TMEM62: variants seen among roughly 807,000 people sequenced by gnomAD.
The protein encoded by TMEM62 is transmembrane protein 62.
TMEM62 carries 41 observed loss-of-function variants against 70.4 expected under a neutral mutation model. That is an observed-to-expected ratio of 0.58 (90% CI 0.45 to 0.76). The LOEUF (loss-of-function observed/expected upper bound fraction) is 0.76, where lower values mean the gene tolerates loss of function less well. Among genes scored for constraint, TMEM62 ranks in the 30% least tolerant of loss-of-function variants. The pLI is 0.00. For synonymous variants in TMEM62, 268 were observed against 291.0 expected (o/e 0.92, Z 0.80); for missense variants, 688 against 788.5 (o/e 0.87, Z 1.53).
chr15:43,184,198 C>A, intron 13 of TMEM62, 62 bp from the exon 14 acceptor site: 2 of 1,408,450 alleles, frequency 1.4e-6, no homozygotes, highest in Non-Finnish European at 2.0e-6. Flanking sequence ...ACTAATAATG[C>A]ATTATTAAGA....
chr15:43,149,223 G>A, intron 7 of TMEM62, 72 bp downstream of exon 7: 1 of 1,464,966 alleles, frequency 6.8e-7, no homozygotes, highest in Non-Finnish European at 9.4e-7. Context: ...TTTTCTTACT[G>A]ATATCATGGG....
Position 43,134,376 on chromosome 15 carries a change from G to A in TMEM62, c.292+8G>A, listed in dbSNP as rs1402298764. ...CTCTCGTCCTAGCAACAGGTAGGGA[G>A]GCTTGCCGTGCTGTGGTGGTGGTCT... On this transcript the variant is annotated splice_region_variant and intron_variant, in intron 2 of 13. Coordinates refer to ENST00000260403, the MANE Select transcript of TMEM62 (RefSeq NM_024956.4). 9 of 1,606,804 alleles carry A rather than the reference G, an allele frequency of 5.6e-6. No individual in the cohort carries two copies. The highest frequency in any genetic ancestry group is 7.7e-6 in the Non-Finnish European group (9 of 1,173,928).
intron 10 of TMEM62, among the ~76,000 whole-genome samples, chr15:43,168,023 CTG>C (rs1233795998): frequency 6.6e-6 from 1 of 151,984 alleles, no homozygotes. Flanking sequence ...ACTCGGCAGG[CTG>C]AGGCAGGAGA....
chr15:43,138,524 T>C (rs1177470604), intron 3 of TMEM62, 50 bp from the exon 4 acceptor site: 4 of 1,409,358 alleles, frequency 2.8e-6, no homozygotes, highest in East Asian at 2.3e-5. Context: ...ATGTTTGTAT[T>C]CTTTTTTTAA....
chr15:43,134,846 G>GT (rs2034989191), intron 2 of TMEM62, among the ~76,000 whole-genome samples: 1 of 152,174 alleles, frequency 6.6e-6, no homozygotes. Flanking sequence ...TATGACTTAA[G>GT]TTTTCTAGAC....
At chr15:43,138,641 A>G in intron 4 of TMEM62, 22 bp downstream of exon 4, 1 of 1,574,786 alleles carries the variant, frequency 6.4e-7, no homozygotes, top group Non-Finnish European at 8.7e-7. Context: ...AACAGAAGAC[A>G]GACCACTATG....
intron 5 of TMEM62, 137 bp from the exon 6 acceptor site, chr15:43,148,618 G>T (rs952446939): frequency 6.4e-6 from 6 of 936,106 alleles, no homozygotes; most frequent in Non-Finnish European, 7.8e-6. Flanking sequence ...GTCCATAGAG[G>T]TCATTAACTA....
chr15:43,184,513 G>C lies in TMEM62; in HGVS notation c.1859G>C (p.Arg620Pro), dbSNP rs558705873. Residue 620 changes from arginine to proline, a missense_variant, in exon 14 of 14, where the codon CGT becomes CCT. By Grantham distance (103) the Arg-to-Pro change is moderately radical (BLOSUM62 -2). Coordinates refer to ENST00000260403, the MANE Select transcript of TMEM62 (RefSeq NM_024956.4). ...ACACTGCTGACACCTGTTCTCATTC[G>C]TTATGTGTGGACACTGAACTCCACC... ...WLTLLTPVLI[R>P]YVWTLNSTKF... 7 of 1,613,542 alleles carry C rather than the reference G, an allele frequency of 4.3e-6. No homozygotes were observed. The South Asian group carries it at 5.5e-5, about 13-fold the overall frequency.
chr15:43,164,423 T>C (rs773872253), intron 10 of TMEM62, among the ~76,000 whole-genome samples: 1 of 152,086 alleles, frequency 6.6e-6, no homozygotes, highest in Non-Finnish European at 1.5e-5. Context: ...GTGAGTTTTA[T>C]ACCTTCAGAT....
intron 10 of TMEM62, 105 bp downstream of exon 10, chr15:43,160,899 C>T (rs1305912876): frequency 1.1e-5 from 6 of 524,180 alleles, no homozygotes; most frequent in South Asian, 4.7e-5. Flanking sequence ...TTTCAGTTAC[C>T]GAAGGTCATC....
intron 9 of TMEM62, 139 bp from the exon 10 acceptor site, chr15:43,160,542 A>G (rs2038570373): frequency 1.7e-6 from 1 of 600,744 alleles, no homozygotes; most frequent in South Asian, 2.2e-5. Context: ...GAAACCTTGA[A>G]AAACAACAAC....
At chr15:43,184,203 T>C (rs1388553322) in intron 13 of TMEM62, 57 bp from the exon 14 acceptor site, 2 of 1,487,406 alleles carry the variant, frequency 1.3e-6, no homozygotes, top group Non-Finnish European at 1.8e-6. Context: ...TAATGCATTA[T>C]TAAGACCAAA....
intron 4 of TMEM62, among the ~76,000 whole-genome samples, chr15:43,142,660 T>G (rs998820388): frequency 6.6e-5 from 10 of 150,508 alleles, no homozygotes; most frequent in Non-Finnish European, 1.5e-4. Context: ...AGCAGTAAGG[T>G]TTTTTTTTGT....
chr15:43,170,995 G>C (rs889068270), intron 11 of TMEM62, among the ~76,000 whole-genome samples: 34 of 152,204 alleles, frequency 2.2e-4, no homozygotes, highest in African/African-American at 7.7e-4. Context: ...CAGTTCAGAA[G>C]ATGCTTGAAA....
chr15:43,155,612 G>C (rs1347849852), intron 9 of TMEM62, among the ~76,000 whole-genome samples: 1 of 152,208 alleles, frequency 6.6e-6, no homozygotes, highest in African/African-American at 2.4e-5. Context: ...AGGAGAAGAG[G>C]AGTGGCCATA....
intron 4 of TMEM62, among the ~76,000 whole-genome samples, chr15:43,144,962 A>G (rs2036473921): frequency 6.6e-6 from 1 of 151,976 alleles, no homozygotes; most frequent in African/African-American, 2.4e-5. Flanking sequence ...AAATATAAAT[A>G]TTACAGAAAT....
chr15:43,166,700 C>T (rs544049550), intron 10 of TMEM62, among the ~76,000 whole-genome samples: 2 of 152,078 alleles, frequency 1.3e-5, no homozygotes, highest in Non-Finnish European at 2.9e-5. Flanking sequence ...GAGGACCCTG[C>T]GGCCTTCCGC....
intron 8 of TMEM62, among the ~76,000 whole-genome samples, chr15:43,153,806 T>C (rs981006360): frequency 3.3e-5 from 5 of 152,220 alleles, no homozygotes; most frequent in African/African-American, 4.8e-5. Context: ...TGAATATGAG[T>C]GTACAGATAA....
At position 43,139,986 on chromosome 15, in the gene TMEM62, T is replaced by C. The variant is rs1466879020; in HGVS notation, c.476+1367T>C. ...GAAACAGCCTTCTTTTGGAAGAAGA[T>C]GCCATCTAGGACTTTTATAGCTAGA... On this transcript the variant is annotated intron_variant, in intron 4 of 13. Transcript: ENST00000260403. Among the ~76,000 whole-genome samples, 4 of 152,232 alleles carry C rather than the reference T, an allele frequency of 2.6e-5. No individual in the cohort carries two copies. In the East Asian group the frequency reaches 7.7e-4, roughly 29 times the overall value.
Sources: gnomAD v4.1 joint callset for allele counts (sites outside exome capture counted in the v4.1 genomes callset) on GRCh38, gnomAD v4.1.1 for gene constraint, MANE v1.5 for transcripts, NCBI Gene and HGNC (gene_info 2026-07-23, HGNC 2026-07-21) for gene names.